Variants in ZNF555 observed in about 807,000 individuals in gnomAD.
ZNF555 encodes the protein zinc finger protein 555.
Under a neutral mutation model 14.0 loss-of-function variants are expected in ZNF555, and 10 were observed. That is an observed-to-expected ratio of 0.72 (90% CI 0.44 to 1.21). The LOEUF is 1.21. Among genes scored for constraint, ZNF555 ranks in the 50% most tolerant of loss-of-function variants. ZNF555 has a pLI of 0.00. For missense variants in ZNF555, 747 were observed against 762.0 expected (o/e 0.98, Z 0.23); for synonymous variants, 277 against 262.4 (o/e 1.06, Z -0.54).
rs114257373 is a variant in ZNF555 at position 2,842,544 on chromosome 19, A to G, written c.3+969A>G. On this transcript the variant is annotated intron_variant, in intron 1 of 3. Transcript: ENST00000334241. ...TTCCCTAGAAAGTGTGGATTTGAAGACGTTTCTCAGTTCTGTTTTGAGTAC... is the reference window on the plus strand; with the variant it reads ...TTCCCTAGAAAGTGTGGATTTGAAGGCGTTTCTCAGTTCTGTTTTGAGTAC... 1.2e-3 allele frequency among the ~76,000 whole-genome samples: 189 copies of G among 152,244 alleles called. 1 individual carries two copies. Among genetic ancestry groups the G allele is most frequent in the African/African-American group, 4.5e-3 (185 of 41,544 alleles).
chr19:2,848,862 C>T (rs191162042), intron 1 of ZNF555, among the ~76,000 whole-genome samples: 3 of 152,178 alleles, frequency 2.0e-5, no homozygotes, highest in Non-Finnish European at 4.4e-5. Context: ...GGTATTTGCA[C>T]CATGAGTAAT....
Position 2,849,651 on chromosome 19 carries a change from ATT to A in ZNF555, c.4-922_4-921del, listed in dbSNP as rs879580652. Among the ~76,000 whole-genome samples the A allele has an allele frequency of 4.0e-3, 552 of 139,242 alleles. 7 individuals carry two copies. Among genetic ancestry groups the A allele is most frequent in the African/African-American group, 0.014 (526 of 37,968 alleles). 91.3% of individuals were successfully genotyped at this position (139,242 alleles called of 152,430 possible). A position where few individuals can be genotyped will look rare whatever the true frequency, so the allele number is the denominator to read the frequency against. ...AGGCGTGCACCACCATGCCCGGCTAATTTTTTTTTTTTTTTCAGTAGAGATGA... is the reference window on the plus strand; with the variant it reads ...AGGCGTGCACCACCATGCCCGGCTAATTTTTTTTTTTTTCAGTAGAGATGA... On this transcript the variant is annotated intron_variant, in intron 1 of 3. Transcript: ENST00000334241.
intron 1 of ZNF555, among the ~76,000 whole-genome samples, chr19:2,843,446 CAATA>C (rs1460937147): frequency 2.6e-5 from 4 of 152,138 alleles, no homozygotes; most frequent in Admixed American, 1.3e-4. Context: ...TTTTGAATGA[CAATA>C]AATAGGATTC....
intron 2 of ZNF555, 64 bp from the exon 3 acceptor site, chr19:2,851,404 T>C: frequency 1.5e-6 from 2 of 1,369,826 alleles, no homozygotes; most frequent in South Asian, 1.5e-5. Context: ...ATAGCTAAAC[T>C]CCTCAGTGTC....
rs75452590 is a variant in ZNF555, at chr19:2,848,992, C to T, written c.4-1595C>T. Among the ~76,000 whole-genome samples the T allele has an allele frequency of 8.0e-3, 1,223 of 152,196 alleles. 13 individuals carry two copies. The highest frequency in any genetic ancestry group is 0.028 in the African/African-American group (1,168 of 41,508). On this transcript the variant is annotated intron_variant, in intron 1 of 3. Coordinates refer to ENST00000334241, the MANE Select transcript of ZNF555 (RefSeq NM_152791.5). ...TAAGGCCCGCAATGTTAACTTCTTT[C>T]GGCATATGGGAACTTTATTATTAAA...
chr19:2,856,009 G>C lies in ZNF555; in HGVS notation c.*2057G>C, dbSNP rs1188288495. 2.0e-5 allele frequency: 3 copies of C among 151,992 alleles called. No homozygotes were observed. The highest frequency in any genetic ancestry group is 7.2e-5 in the African/African-American group (3 of 41,382). The allele number at this position is 151,992 out of a possible 1,614,324, so 9.4% of individuals were successfully genotyped here. A position where few individuals can be genotyped will look rare whatever the true frequency, so the allele number is the denominator to read the frequency against. ...AGATTTCAACGTAAAAATTTTAGGA[G>C]ACCCAATTCAACCCATAACACTAAG... is the stretch of plus-strand genomic sequence containing the variant. On this transcript the variant is annotated 3_prime_UTR_variant, in exon 4 of 4. Transcript: ENST00000334241.
rs980419526 is a variant in ZNF555, at chr19:2,860,293, A to G, written c.*6341A>G. On this transcript the variant is annotated 3_prime_UTR_variant, in exon 4 of 4. Transcript: ENST00000334241. ...CAGTGGTGGTCCCTGTTTTCAGGAA[A>G]GAGTGTCTGTGAATGTCCATGTGTC... 6.6e-6 allele frequency: 1 copy of G among 151,996 alleles called. No individual in the cohort carries two copies. 9.4% of individuals were successfully genotyped at this position (151,996 alleles called of 1,614,324 possible). A position where few individuals can be genotyped will look rare whatever the true frequency, so the allele number is the denominator to read the frequency against.
In ZNF555 at chr19:2,853,534, A is replaced by G. The variant is rs138381021; in HGVS notation, c.1469A>G (p.Tyr490Cys). 2.9e-5 allele frequency: 46 copies of G among 1,611,246 alleles called. No homozygotes were observed. The highest frequency in any genetic ancestry group is 6.7e-5 in the Admixed American group (4 of 59,948). Reference sequence around the variant, plus strand: ...TGCAAGCTATGTGGGAAAGCTTTCTATTGCCACATATCCTTACAAAAACAT... The same window carrying G: ...TGCAAGCTATGTGGGAAAGCTTTCTGTTGCCACATATCCTTACAAAAACAT... ...YECKLCGKAF[Y>C]CHISLQKHMR... Residue 490 changes from tyrosine (Y) to cysteine (C), a missense_variant, in exon 4 of 4, where the codon TAT becomes TGT. Physicochemically the swap from Tyr to Cys is radical, Grantham distance 194. Transcript: ENST00000334241.
At position 2,857,545 on chromosome 19, in the gene ZNF555, A is replaced by C. The variant is rs1025271989; in HGVS notation, c.*3593A>C. On this transcript the variant is annotated 3_prime_UTR_variant, in exon 4 of 4. Transcript: ENST00000334241. ...GGTTAGAAGTAGGGGATTTGAGTAC[A>C]TATGGGCTTAAGAGTGTTCTGTCAT... 15 of 152,234 alleles carry C rather than the reference A, an allele frequency of 9.9e-5. No homozygotes were observed. Among genetic ancestry groups the C allele is most frequent in the African/African-American group, 3.6e-4 (15 of 41,458 alleles). The allele number at this position is 152,234 out of a possible 1,614,324, so 9.4% of individuals were successfully genotyped here.
intron 1 of ZNF555, among the ~76,000 whole-genome samples, chr19:2,843,718 G>A (rs2144842459): frequency 6.6e-6 from 1 of 152,218 alleles, no homozygotes; most frequent in Non-Finnish European, 1.5e-5. Context: ...CCTGAAATAG[G>A]TAGAATACAA....
chr19:2,848,793 G>A (rs2087604182), intron 1 of ZNF555, among the ~76,000 whole-genome samples: 1 of 152,120 alleles, frequency 6.6e-6, no homozygotes, highest in Non-Finnish European at 1.5e-5. Flanking sequence ...AGCATCCCCT[G>A]CCTGGTATGT....
chr19:2,853,802 A>T lies in ZNF555; in HGVS notation c.1737A>T (p.Leu579Phe). The change falls in exon 4 of 4, where the codon TTA (leucine) becomes TTT (phenylalanine). Residue 579 changes from leucine (L) to phenylalanine (F), a missense_variant. Transcript: ENST00000334241. ...CGKAFNCSSS[L>F]RRHVRIHTTE... The stretch of plus-strand genomic sequence containing the variant: ...AAGCATTCAATTGTTCCTCATCCTT[A>T]AGGCGACATGTGAGAATACACACTA... The T allele has an allele frequency of 6.2e-7, 1 of 1,613,276 alleles. No individual in the cohort carries two copies.
intron 1 of ZNF555, among the ~76,000 whole-genome samples, chr19:2,845,651 T>G (rs1368839296): frequency 6.6e-6 from 1 of 152,244 alleles, no homozygotes; most frequent in African/African-American, 2.4e-5. Context: ...ACAGCCATTC[T>G]GACGGGTGTG....
Position 2,853,633 on chromosome 19 carries a change from T to C in ZNF555, c.1568T>C (p.Leu523Ser), listed in dbSNP as rs368928079. 55 of 1,603,088 alleles carry C rather than the reference T, an allele frequency of 3.4e-5. No individual in the cohort carries two copies. Among genetic ancestry groups the C allele is most frequent in the Non-Finnish European group, 4.7e-5 (55 of 1,174,686 alleles). Residue 523 changes from leucine (L) to serine (S), a missense_variant, in exon 4 of 4, where the codon TTG (leucine) becomes TCG (serine). By Grantham distance (145) the Leu-to-Ser change is moderately radical. Transcript: ENST00000334241. Reference sequence around the variant, plus strand: ...AAAGCTTTCAGTTGGCCTGAACTTTTGCAACAACATGTGAGAACGCACACT... The same window carrying C: ...AAAGCTTTCAGTTGGCCTGAACTTTCGCAACAACATGTGAGAACGCACACT... The part of the protein sequence containing the change: ...CGKAFSWPEL[L>S]QQHVRTHTVE...
rs1018056835 is a variant in ZNF555 at position 2,859,768 on chromosome 19, G to C, written c.*5816G>C. The C allele has an allele frequency of 6.6e-6, 1 of 152,504 alleles. No individual in the cohort carries two copies. The highest frequency in any genetic ancestry group is 2.4e-5 in the African/African-American group (1 of 41,428). 9.4% of individuals were successfully genotyped at this position (152,504 alleles called of 1,614,324 possible). A position where few individuals can be genotyped will look rare whatever the true frequency, so the allele number is the denominator to read the frequency against. Reference sequence around the variant, plus strand: ...TGAAGGACCTTCCTTTAGGGTTCGGGGGATCTCCTCCTTCCACAAGGGATG... The same window carrying C: ...TGAAGGACCTTCCTTTAGGGTTCGGCGGATCTCCTCCTTCCACAAGGGATG... On this transcript the variant is annotated 3_prime_UTR_variant, in exon 4 of 4. Coordinates refer to ENST00000334241, the MANE Select transcript of ZNF555 (RefSeq NM_152791.5).
rs912682028 is a variant in ZNF555, at chr19:2,860,246, A to G, written c.*6294A>G. 2.6e-5 allele frequency: 4 copies of G among 151,912 alleles called. No homozygotes were observed. Among genetic ancestry groups the G allele is most frequent in the African/African-American group, 9.7e-5 (4 of 41,346 alleles). The allele number at this position is 151,912 out of a possible 1,614,324, so 9.4% of individuals were successfully genotyped here. A position where few individuals can be genotyped will look rare whatever the true frequency, so the allele number is the denominator to read the frequency against. ...ATTCTGTGGGGACATATATTGGTGT[A>G]TCTGGGAGGTCCCATGTGTCTCAGT... On this transcript the variant is annotated 3_prime_UTR_variant, in exon 4 of 4. Transcript: ENST00000334241.
intron 1 of ZNF555, among the ~76,000 whole-genome samples, chr19:2,842,895 T>C (rs1410680428): frequency 1.3e-5 from 2 of 152,028 alleles, no homozygotes; most frequent in Non-Finnish European, 2.9e-5. Flanking sequence ...ATACAAAAAT[T>C]AGCTGGGCGT....
chr19:2,857,475 A>G lies in ZNF555; in HGVS notation c.*3523A>G, dbSNP rs1568347054. 1 of 152,226 alleles carries G rather than the reference A, an allele frequency of 6.6e-6. No individual in the cohort carries two copies. Among genetic ancestry groups the G allele is most frequent in the African/African-American group, 2.4e-5 (1 of 41,464 alleles). 9.4% of individuals were successfully genotyped at this position (152,226 alleles called of 1,614,324 possible). The stretch of plus-strand genomic sequence containing the variant: ...CCTAAGGCTATATGGTATTCCTTTT[A>G]TAAGACATGGAAAAGGCAAAGATAA... On this transcript the variant is annotated 3_prime_UTR_variant, in exon 4 of 4. Transcript: ENST00000334241.
Position 2,853,944 on chromosome 19 carries a change from C to A in ZNF555, c.1879C>A (p.Pro627Thr). 1 of 1,613,476 alleles carries A rather than the reference C, an allele frequency of 6.2e-7. No individual in the cohort carries two copies. ...GATCAAAGTTGTAAATATGGTGTTG[C>A]CTTTATGAGTTCCTTATCCTGAAAG... Reference protein sequence around the residue: ...DLIKVVNMVLPL With the variant: ...DLIKVVNMVLTL Residue 627 changes from proline (P) to threonine (T), a missense_variant, in exon 4 of 4, where the codon CCT (proline) becomes ACT (threonine). Transcript: ENST00000334241.
Sources: allele counts gnomAD v4.1 joint callset (sites outside exome capture counted in the v4.1 genomes callset), GRCh38; gene constraint gnomAD v4.1.1; transcripts MANE v1.5; gene names NCBI Gene and HGNC (gene_info 2026-07-23, HGNC 2026-07-21).